OSBPL10: variants seen among roughly 807,000 people sequenced by gnomAD.
OSBPL10 encodes the protein oxysterol binding protein like 10, also known as oxysterol-binding protein-related protein 10.
Under a neutral mutation model 81.7 loss-of-function variants are expected in OSBPL10, and 49 were observed. The observed-to-expected ratio is 0.60, with a 90% CI of 0.48 to 0.76. The LOEUF is 0.76. OSBPL10 is among the 30% of genes least tolerant of loss of function. OSBPL10 has a pLI of 0.00. For synonymous variants in OSBPL10, 419 were observed against 383.6 expected, an observed-to-expected ratio of 1.09 and a Z score of -1.08; for missense variants, 923 against 987.8, an observed-to-expected ratio of 0.93 and a Z score of 0.88.
chr3:31,818,711 C>T, intron 4 of OSBPL10, among the ~76,000 whole-genome samples: 1 of 152,172 alleles, frequency 6.6e-6, no homozygotes, highest in African/African-American at 2.4e-5. Context: ...GGCCAATGAC[C>T]TCATTCTAAC....
At chr3:31,931,216 G>C (rs577576988) in intron 1 of OSBPL10, among the ~76,000 whole-genome samples, 2 of 151,746 alleles carry the variant, frequency 1.3e-5, no homozygotes, top group African/African-American at 4.8e-5. Flanking sequence ...CCATGTGAAC[G>C]TAATACCTAC....
intron 1 of OSBPL10, among the ~76,000 whole-genome samples, chr3:31,946,313 A>C (rs1264644541): frequency 2.0e-5 from 3 of 152,142 alleles, no homozygotes; most frequent in African/African-American, 7.2e-5. Flanking sequence ...GGGGGAACTC[A>C]AGTTTTTTAC....
At chr3:32,042,377 C>T (rs1446020590) in intron 2 of OSBPL10, among the ~76,000 whole-genome samples, 1 of 152,162 alleles carries the variant, frequency 6.6e-6, no homozygotes, top group South Asian at 2.1e-4. Context: ...GTTTATTATG[C>T]AGCAGTGGTA....
intron 1 of OSBPL10, among the ~76,000 whole-genome samples, chr3:32,052,724 G>A (rs141923683): frequency 3.9e-5 from 6 of 152,212 alleles, no homozygotes; most frequent in African/African-American, 1.2e-4. Flanking sequence ...AACACTGCAT[G>A]TTCTCACTTA....
intron 1 of OSBPL10, among the ~76,000 whole-genome samples, chr3:32,054,829 C>A (rs1013525215): frequency 6.6e-6 from 1 of 152,064 alleles, no homozygotes; most frequent in African/African-American, 2.4e-5. Flanking sequence ...CTGTGCCCAG[C>A]AATTGTGGCT....
intron 4 of OSBPL10, among the ~76,000 whole-genome samples, chr3:31,781,650 T>C (rs1698699186): frequency 6.6e-6 from 1 of 152,206 alleles, no homozygotes; most frequent in African/African-American, 2.4e-5. Context: ...AGCACTGCCA[T>C]ACACCAACAG....
intron 1 of OSBPL10, among the ~76,000 whole-genome samples, chr3:31,891,372 G>T (rs1012850355): frequency 1.3e-5 from 2 of 152,172 alleles, no homozygotes; most frequent in Non-Finnish European, 2.9e-5. Flanking sequence ...TGATGCTGCT[G>T]GTAGGACCAC....
chr3:31,770,244 C>T (rs1256120524), intron 4 of OSBPL10, among the ~76,000 whole-genome samples: 1 of 152,054 alleles, frequency 6.6e-6, no homozygotes, highest in Non-Finnish European at 1.5e-5. Flanking sequence ...TTTTTCCTTT[C>T]CTCTGGAAAA....
chr3:31,754,630 G>C (rs745330852), intron 4 of OSBPL10, among the ~76,000 whole-genome samples: 2 of 152,110 alleles, frequency 1.3e-5, no homozygotes, highest in Non-Finnish European at 1.5e-5. Context: ...CTTACTGCAG[G>C]AGTCTGCAGA....
intron 2 of OSBPL10, chr3:31,989,606 G>C: frequency 1.9e-6 from 3 of 1,614,180 alleles, no homozygotes. Context: ...GGGAAAGTTG[G>C]TAATCAAGTT....
chr3:31,876,653 C>T, intron 2 of OSBPL10, 141 bp from the exon 3 acceptor site: 1 of 662,302 alleles, frequency 1.5e-6, no homozygotes, highest in Non-Finnish European at 2.7e-6. Context: ...GCACAGATCA[C>T]AACGTTCTCA....
At chr3:31,807,861 G>A (rs1699562446) in intron 4 of OSBPL10, among the ~76,000 whole-genome samples, 1 of 152,144 alleles carries the variant, frequency 6.6e-6, no homozygotes, top group African/African-American at 2.4e-5. Flanking sequence ...GAAAGGAAGA[G>A]GCACTGAAGA....
rs547532129 is a variant in OSBPL10 at position 32,033,546 on chromosome 3, C to A, written n.298+12945G>T. Reference sequence around the variant, plus strand: ...GAAAATTTATAAGAATATCCAGATACAAATTTATTGTCAGCCACAAGTGAT... The same window carrying A: ...GAAAATTTATAAGAATATCCAGATAAAAATTTATTGTCAGCCACAAGTGAT... On this transcript the variant is annotated intron_variant and non_coding_transcript_variant, in intron 2 of 3. Transcript: ENST00000479173. 8.5e-5 allele frequency among the ~76,000 whole-genome samples: 13 copies of A among 152,194 alleles called. No homozygotes were observed. In the East Asian group the frequency reaches 2.5e-3, roughly 29 times the overall value.
chr3:31,725,797 A>T (rs1218330639), intron 6 of OSBPL10, among the ~76,000 whole-genome samples: 1 of 152,094 alleles, frequency 6.6e-6, no homozygotes, highest in Non-Finnish European at 1.5e-5. Flanking sequence ...ACGAGAAGGA[A>T]GCATGCCCTT....
chr3:31,687,113 C>T (rs988190890), intron 7 of OSBPL10, among the ~76,000 whole-genome samples: 16 of 152,150 alleles, frequency 1.1e-4, no homozygotes, highest in African/African-American at 2.2e-4. Flanking sequence ...CAAGTGACTC[C>T]GTCTCCTGCT....
At chr3:31,782,188 G>T (rs2125771567) in intron 4 of OSBPL10, among the ~76,000 whole-genome samples, 1 of 151,576 alleles carries the variant, frequency 6.6e-6, no homozygotes, top group East Asian at 1.9e-4. Context: ...AAATCAAAAT[G>T]GGATATCCTA....
intron 4 of OSBPL10, among the ~76,000 whole-genome samples, chr3:31,770,308 T>C (rs983595248): frequency 6.6e-6 from 1 of 152,200 alleles, no homozygotes; most frequent in Non-Finnish European, 1.5e-5. Context: ...TGCCATATCA[T>C]TCCCCATCAA....
intron 3 of OSBPL10, among the ~76,000 whole-genome samples, chr3:31,874,968 G>C (rs1701414883): frequency 6.7e-6 from 1 of 149,990 alleles, no homozygotes; most frequent in South Asian, 2.1e-4. Flanking sequence ...TCCATTAGTA[G>C]AAGACTTAAA....
At chr3:31,680,652 T>A (rs911184729) in intron 8 of OSBPL10, among the ~76,000 whole-genome samples, 4 of 152,086 alleles carry the variant, frequency 2.6e-5, no homozygotes, top group African/African-American at 9.7e-5. Flanking sequence ...GGTAAATAGG[T>A]AAGGATGGAT....
Sources: gnomAD v4.1 joint callset for allele counts (sites outside exome capture counted in the v4.1 genomes callset) on GRCh38, gnomAD v4.1.1 for gene constraint, MANE v1.5 for transcripts, NCBI Gene and HGNC (gene_info 2026-07-23, HGNC 2026-07-21) for gene names.